The following ARHGEF38 variants were observed in gnomAD, a reference collection of about 807,000 sequenced individuals.
ARHGEF38 encodes the protein Rho guanine nucleotide exchange factor 38.
ARHGEF38 carries 79 observed loss-of-function variants against 79.9 expected under a neutral mutation model. The ratio of observed to expected loss-of-function variants is 0.99; its 90% confidence interval spans 0.82 to 1.19. The LOEUF (loss-of-function observed/expected upper bound fraction) is 1.19, where lower values mean the gene tolerates loss of function less well. Among genes scored for constraint, ARHGEF38 ranks in the 50% most tolerant of loss-of-function variants. The pLI, the probability that ARHGEF38 is intolerant of heterozygous loss-of-function variation, is 0.00. For synonymous variants in ARHGEF38, 366 were observed against 328.3 expected (o/e 1.11, Z -1.24); for missense variants, 962 against 907.2 (o/e 1.06, Z -0.78).
At chr4:105,607,403 A>G (rs1728096127) in intron 2 of ARHGEF38, among the ~76,000 whole-genome samples, 1 of 152,142 alleles carries the variant, frequency 6.6e-6, no homozygotes, top group African/African-American at 2.4e-5. Flanking sequence ...CTACAAGAGT[A>G]AATAGATCAT....
chr4:105,609,002 T>G (rs1205337767), intron 2 of ARHGEF38, among the ~76,000 whole-genome samples: 1 of 152,118 alleles, frequency 6.6e-6, no homozygotes, highest in Non-Finnish European at 1.5e-5. Context: ...TGCAGAAGCT[T>G]TTAAGTTTGA....
rs528402867 is a variant in ARHGEF38, at chr4:105,580,567, A to G, written c.197-8681A>G. ...TCATTAATTCTAATTTTATTGTACT[A>G]TGGTCTGAGAGAGTGGTTGGCAAAA... On this transcript the variant is annotated intron_variant, in intron 1 of 13. Coordinates refer to ENST00000420470, the MANE Select transcript of ARHGEF38 (RefSeq NM_001242729.2). 3.3e-5 allele frequency among the ~76,000 whole-genome samples: 5 copies of G among 152,092 alleles called. No homozygotes were observed. In the East Asian group the frequency reaches 9.6e-4, roughly 29 times the overall value.
chr4:105,552,987 C>A, intron 1 of ARHGEF38, 26 bp downstream of exon 1: 1 of 1,560,096 alleles, frequency 6.4e-7, no homozygotes, highest in Non-Finnish European at 8.7e-7. Context: ...TCAATTGTCC[C>A]AGTTACTGCA....
intron 2 of ARHGEF38, among the ~76,000 whole-genome samples, chr4:105,598,471 A>T (rs765777764): frequency 6.6e-6 from 1 of 152,208 alleles, no homozygotes; most frequent in African/African-American, 2.4e-5. Flanking sequence ...GACTCAAAAG[A>T]AATATACCTG....
At chr4:105,590,795 G>A (rs1247476942) in intron 2 of ARHGEF38, among the ~76,000 whole-genome samples, 19 of 152,102 alleles carry the variant, frequency 1.2e-4, no homozygotes, top group Admixed American at 1.2e-3. Context: ...CATTTTCTCT[G>A]CATCCTCTTT....
intron 1 of ARHGEF38, among the ~76,000 whole-genome samples, chr4:105,582,494 C>T (rs1578276657): frequency 6.6e-6 from 1 of 151,946 alleles, no homozygotes; most frequent in East Asian, 1.9e-4. Flanking sequence ...TTCTGTGACC[C>T]ATCAGTTATT....
intron 1 of ARHGEF38, among the ~76,000 whole-genome samples, chr4:105,584,029 A>C (rs1726918950): frequency 6.6e-6 from 1 of 152,194 alleles, no homozygotes; most frequent in African/African-American, 2.4e-5. Flanking sequence ...TTGCCCAATA[A>C]ATAAATATTT....
At chr4:105,671,425 C>T (rs200203502) in intron 13 of ARHGEF38, among the ~76,000 whole-genome samples, 1 of 152,176 alleles carries the variant, frequency 6.6e-6, no homozygotes, top group East Asian at 1.9e-4. Context: ...CCCTTAATGT[C>T]TTAACTCTAG....
intron 10 of ARHGEF38, 117 bp downstream of exon 10, chr4:105,659,482 A>G: frequency 9.6e-7 from 1 of 1,046,230 alleles, no homozygotes; most frequent in Non-Finnish European, 1.3e-6. Context: ...GTGTGTGTGT[A>G]TTTATTTTAA....
intron 13 of ARHGEF38, among the ~76,000 whole-genome samples, chr4:105,669,840 G>T (rs1730899814): frequency 6.6e-6 from 1 of 151,990 alleles, no homozygotes; most frequent in Admixed American, 6.6e-5. Flanking sequence ...CCTACTTTCT[G>T]TCTCCATACA....
chr4:105,569,025 A>T (rs1445374207), intron 1 of ARHGEF38, among the ~76,000 whole-genome samples: 1 of 152,202 alleles, frequency 6.6e-6, no homozygotes, highest in Non-Finnish European at 1.5e-5. Flanking sequence ...ATTCAGGATT[A>T]TTTATTGGTA....
At chr4:105,574,313 C>T (rs1036454619) in intron 1 of ARHGEF38, among the ~76,000 whole-genome samples, 6 of 151,936 alleles carry the variant, frequency 3.9e-5, no homozygotes, top group Non-Finnish European at 8.8e-5. Flanking sequence ...TTTGGGAGGC[C>T]AAGGTGGGTG....
intron 5 of ARHGEF38, among the ~76,000 whole-genome samples, 155 bp downstream of exon 5, chr4:105,636,575 C>T (rs10016369): frequency 0.027 from 4,136 of 152,014 alleles, 169 homozygotes; most frequent in African/African-American, 0.092. Flanking sequence ...ATTACTGGTG[C>T]ATATTTTACT....
chr4:105,619,335 G>A (rs1248224994), intron 3 of ARHGEF38, among the ~76,000 whole-genome samples: 3 of 151,816 alleles, frequency 2.0e-5, no homozygotes, highest in Non-Finnish European at 2.9e-5. Flanking sequence ...AGGCTTGAGA[G>A]TAAGGTCCTT....
chr4:105,589,858 C>T (rs1727240137), intron 2 of ARHGEF38, among the ~76,000 whole-genome samples: 1 of 151,838 alleles, frequency 6.6e-6, no homozygotes, highest in Non-Finnish European at 1.5e-5. Flanking sequence ...ATGGTGAAAC[C>T]TCATCTCTAC....
In ARHGEF38 at chr4:105,663,491, A is replaced by T. The variant is rs115324445; in HGVS notation, c.1546-2686A>T. ...TCCCCTCCCCCAAGTCCCTGCAACC[A>T]TCATTCTATTTTCTGTTTCTACAAA... On this transcript the variant is annotated intron_variant, in intron 10 of 13. Transcript: ENST00000420470. 4.1e-3 allele frequency among the ~76,000 whole-genome samples: 625 copies of T among 152,226 alleles called. 3 individuals are homozygous for T. The highest frequency in any genetic ancestry group is 0.014 in the African/African-American group (597 of 41,544).
rs570208136 is a variant in ARHGEF38, at chr4:105,561,602, C to CT, written c.196+8647dup. The CT allele has an allele frequency of 2.0e-3, 311 of 152,092 alleles. 3 individuals are homozygous for CT. Among genetic ancestry groups the CT allele is most frequent in the African/African-American group, 7.3e-3 (303 of 41,440 alleles). The allele number at this position is 152,092 out of a possible 1,614,324, so 9.4% of individuals were successfully genotyped here. ...TTTTATCACTGAAGTCTCTGTTCGT[C>CT]TTTTTTGGGAGTCCCTCCCTGACCA... is the stretch of plus-strand genomic sequence containing the variant. On this transcript the variant is annotated intron_variant, in intron 1 of 13. Transcript: ENST00000420470.
chr4:105,588,415 C>T (rs767313011), intron 1 of ARHGEF38, among the ~76,000 whole-genome samples: 1 of 152,310 alleles, frequency 6.6e-6, no homozygotes, highest in Middle Eastern at 3.4e-3. Context: ...TCACACACTG[C>T]CCTGATGTTT....
intron 1 of ARHGEF38, among the ~76,000 whole-genome samples, chr4:105,575,842 G>A (rs551248618): frequency 6.6e-6 from 1 of 152,128 alleles, no homozygotes; most frequent in Non-Finnish European, 1.5e-5. Context: ...GAGAGATAGG[G>A]ATCCAGTTTC....
Sources: allele counts gnomAD v4.1 joint callset (sites outside exome capture counted in the v4.1 genomes callset), GRCh38; gene constraint gnomAD v4.1.1; transcripts MANE v1.5; gene names NCBI Gene and HGNC (gene_info 2026-07-23, HGNC 2026-07-21).